NDST4: variants seen among roughly 807,000 people sequenced by gnomAD.
NDST4 encodes the protein N-deacetylase and N-sulfotransferase 4, also known as N-heparan sulfate sulfotransferase 4.
Under a neutral mutation model 100.8 loss-of-function variants are expected in NDST4, and 63 were observed. The observed-to-expected ratio is 0.62, with a 90% CI of 0.51 to 0.77. NDST4 has a LOEUF of 0.77. Among genes scored for constraint, NDST4 ranks in the 30% least tolerant of loss-of-function variants. NDST4 has a pLI of 0.00. For synonymous variants in NDST4, 377 were observed against 361.8 expected, an observed-to-expected ratio of 1.04 and a Z score of -0.48; for missense variants, 943 against 1,018.4, an observed-to-expected ratio of 0.93 and a Z score of 1.01.
At chr4:114,938,645 A>G (rs751212716) in intron 4 of NDST4, among the ~76,000 whole-genome samples, 1 of 152,238 alleles carries the variant, frequency 6.6e-6, no homozygotes, top group Non-Finnish European at 1.5e-5. Context: ...TATGGTACAC[A>G]GCATAGGAAA....
intron 6 of NDST4, among the ~76,000 whole-genome samples, chr4:114,929,158 A>G (rs1434653923): frequency 2.0e-5 from 3 of 150,056 alleles, no homozygotes; most frequent in African/African-American, 4.9e-5. Context: ...CTATCTATCT[A>G]TCTATGTATC....
chr4:114,899,813 T>A (rs1369209354), intron 6 of NDST4, among the ~76,000 whole-genome samples: 1 of 152,222 alleles, frequency 6.6e-6, no homozygotes, highest in Non-Finnish European at 1.5e-5. Flanking sequence ...AATGTCTTTT[T>A]CTGGTTTTGG....
chr4:115,100,672 C>T (rs912185830), intron 1 of NDST4, among the ~76,000 whole-genome samples: 3 of 151,980 alleles, frequency 2.0e-5, no homozygotes, highest in Admixed American at 1.3e-4. Flanking sequence ...ATTAAATAGT[C>T]TGATTCATAA....
At chr4:114,925,791 ACAAT>A (rs1260522368) in intron 6 of NDST4, among the ~76,000 whole-genome samples, 1 of 152,184 alleles carries the variant, frequency 6.6e-6, no homozygotes, top group Non-Finnish European at 1.5e-5. Context: ...AGAGCATTCT[ACAAT>A]CAGAGCCTAT....
At chr4:115,074,272 T>C (rs1012185524) in intron 2 of NDST4, among the ~76,000 whole-genome samples, 5 of 151,974 alleles carry the variant, frequency 3.3e-5, no homozygotes, top group African/African-American at 1.2e-4. Flanking sequence ...GTTTTTCTAT[T>C]GAGAAAAAGT....
At chr4:114,871,386 C>T (rs72679780) in intron 6 of NDST4, among the ~76,000 whole-genome samples, 11,773 of 152,070 alleles carry the variant, frequency 0.077, 537 homozygotes, top group East Asian at 0.13. Context: ...TCTAATTAAA[C>T]GAATTTTATT....
In NDST4 at chr4:115,033,154, TATA is replaced by T. The variant is rs1369178684; in HGVS notation, c.978+42902_978+42904del. 8.0e-3 allele frequency among the ~76,000 whole-genome samples: 858 copies of T among 106,826 alleles called. 7 individuals carry two copies. Among genetic ancestry groups the T allele is most frequent in the Middle Eastern group, 0.019 (4 of 210 alleles). The allele number at this position is 106,826 out of a possible 152,430, so 70.1% of individuals were successfully genotyped here. Reference sequence around the variant, plus strand: ...GTGTATATATATATATATATATATATATATTTTTTTTTTTTTTGAAACAGGGTC... The same window carrying T: ...GTGTATATATATATATATATATATATTTTTTTTTTTTTTTGAAACAGGGTC... On this transcript the variant is annotated intron_variant, in intron 2 of 13. Transcript: ENST00000264363.
intron 3 of NDST4, among the ~76,000 whole-genome samples, chr4:114,975,790 T>C (rs573842552): frequency 6.6e-6 from 1 of 152,238 alleles, no homozygotes; most frequent in African/African-American, 2.4e-5. Flanking sequence ...CCTGCATGAG[T>C]AGATATAGCC....
At chr4:114,923,360 GTCTT>G (rs1725326321) in intron 6 of NDST4, among the ~76,000 whole-genome samples, 1 of 152,020 alleles carries the variant, frequency 6.6e-6, no homozygotes, top group Middle Eastern at 3.2e-3. Flanking sequence ...ATCCAAAAGA[GTCTT>G]TGTCATTCAC....
intron 1 of NDST4, among the ~76,000 whole-genome samples, chr4:115,106,208 G>C (rs1729830673): frequency 6.6e-6 from 1 of 152,120 alleles, no homozygotes; most frequent in Non-Finnish European, 1.5e-5. Context: ...AACTGAGAAT[G>C]ATGAACAGGC....
At chr4:114,869,043 C>T (rs111370827) in intron 7 of NDST4, among the ~76,000 whole-genome samples, 2 of 150,232 alleles carry the variant, frequency 1.3e-5, no homozygotes, top group African/African-American at 4.9e-5. Flanking sequence ...CCATTTATAC[C>T]CCTAATCCAC....
At chr4:115,074,442 T>C (rs1397182401) in intron 2 of NDST4, among the ~76,000 whole-genome samples, 1 of 152,054 alleles carries the variant, frequency 6.6e-6, no homozygotes, top group Non-Finnish European at 1.5e-5. Context: ...GTCCTCTTGT[T>C]AAGCCTATGA....
chr4:115,063,355 A>T (rs1728863926), intron 2 of NDST4, among the ~76,000 whole-genome samples: 1 of 151,944 alleles, frequency 6.6e-6, no homozygotes, highest in Admixed American at 6.6e-5. Flanking sequence ...AATAAAAGAC[A>T]ATGTCTATGA....
Position 115,077,099 on chromosome 4 carries a change from A to G in NDST4, c.-63T>C, listed in dbSNP as rs753761252. The stretch of plus-strand genomic sequence containing the variant: ...CGTTTCCTAAAGTGCCATAGTGAAT[A>G]AAGTATGAGATGTTGCAAATATCAC... On this transcript the variant is annotated 5_prime_UTR_variant, in exon 2 of 14. Transcript: ENST00000264363. The G allele has an allele frequency of 3.4e-5, 48 of 1,424,748 alleles. No individual in the cohort carries two copies. The highest frequency in any genetic ancestry group is 4.4e-5 in the Non-Finnish European group (47 of 1,060,396). The allele number at this position is 1,424,748 out of a possible 1,614,324, so 88.3% of individuals were successfully genotyped here. A position where few individuals can be genotyped will look rare whatever the true frequency, so the allele number is the denominator to read the frequency against.
intron 9 of NDST4, among the ~76,000 whole-genome samples, chr4:114,847,013 A>G (rs1257749807): frequency 6.6e-6 from 1 of 152,132 alleles, no homozygotes; most frequent in African/African-American, 2.4e-5. Context: ...ATCTCCAACA[A>G]CAATGGGAAC....
At chr4:115,079,227 C>T (rs1729252702) in intron 1 of NDST4, among the ~76,000 whole-genome samples, 1 of 151,812 alleles carries the variant, frequency 6.6e-6, no homozygotes, top group Non-Finnish European at 1.5e-5. Context: ...TGGTGCATGC[C>T]TGTAGTCCCA....
intron 10 of NDST4, 140 bp from the exon 11 acceptor site, chr4:114,839,688 A>G (rs1321624101): frequency 6.5e-6 from 4 of 612,002 alleles, no homozygotes; most frequent in Non-Finnish European, 8.2e-6. Context: ...ACAAAATAAT[A>G]ACAAATCAAA....
At chr4:115,104,330 C>T (rs181398291) in intron 1 of NDST4, among the ~76,000 whole-genome samples, 1 of 152,054 alleles carries the variant, frequency 6.6e-6, no homozygotes, top group East Asian at 1.9e-4. Flanking sequence ...GAGAAGGAGA[C>T]AGATGGTGGC....
At chr4:114,831,117 A>G (rs1723187984) in intron 12 of NDST4, among the ~76,000 whole-genome samples, 1 of 149,234 alleles carries the variant, frequency 6.7e-6, no homozygotes, top group Admixed American at 6.7e-5. Context: ...CAGTGGCGCA[A>G]TCTCGGCTCA....
Sources: gnomAD v4.1 joint callset for allele counts (sites outside exome capture counted in the v4.1 genomes callset) on GRCh38, gnomAD v4.1.1 for gene constraint, MANE v1.5 for transcripts, NCBI Gene and HGNC (gene_info 2026-07-23, HGNC 2026-07-21) for gene names.